Variants in SAMSN1 observed in about 807,000 individuals in gnomAD.
SAMSN1 encodes SAM domain-containing protein SAMSN-1.
Under a neutral mutation model 42.0 loss-of-function variants are expected in SAMSN1, and 31 were observed. The ratio of observed to expected loss-of-function variants is 0.74; its 90% CI spans 0.55 to 1.00. SAMSN1 has a LOEUF of 1.00. Ranked by LOEUF, SAMSN1 falls within the 50% of genes least tolerant of loss-of-function variation. The pLI is 0.00. For synonymous variants in SAMSN1, 178 were observed against 151.9 expected (o/e 1.17, Z -1.26); for missense variants, 464 against 439.4 (o/e 1.06, Z -0.50).
At chr21:14,623,230 G>A (rs1274638535) in intron 2 of SAMSN1, among the ~76,000 whole-genome samples, 1 of 152,152 alleles carries the variant, frequency 6.6e-6, no homozygotes, top group Non-Finnish European at 1.5e-5. Context: ...AAAATAAACA[G>A]CTAACATCAT....
Position 14,485,974 on chromosome 21 carries a change from G to C in SAMSN1, c.1060C>G (p.Leu354Val). The change falls in exon 8 of 8, where the codon CTG becomes GTG. Residue 354 changes from leucine to valine, a missense_variant. Physicochemically the swap from Leu to Val is conservative, Grantham distance 32. Transcript: ENST00000400566. ...SGNSDNGKEDLESENLSDMVH... is the reference protein window; with the variant it reads ...SGNSDNGKEDVESENLSDMVH... ...ATGTCAGACAGATTTTCAGACTCCA[G>C]ATCCTCTTTGCCATTATCTGAATTT... 1 of 1,613,734 alleles carries C rather than the reference G, an allele frequency of 6.2e-7. No homozygotes were observed. Among genetic ancestry groups the C allele is most frequent in the South Asian group, 1.1e-5 (1 of 91,074 alleles).
At chr21:14,616,022 AAATAAAATAAAATG>A (rs1982828005) in intron 2 of SAMSN1, 2 of 588,922 alleles carry the variant, frequency 3.4e-6, no homozygotes, top group Non-Finnish European at 6.2e-6. Flanking sequence ...ACTCCCTGTA[AAATAAAATAAAATG>A]AATAAAATAA....
At chr21:14,518,526 C>T (rs1368003839) in intron 2 of SAMSN1, among the ~76,000 whole-genome samples, 1 of 152,110 alleles carries the variant, frequency 6.6e-6, no homozygotes, top group Non-Finnish European at 1.5e-5. Flanking sequence ...TGAAGGACAT[C>T]TAGTTTAACA....
At chr21:14,630,728 A>G (rs191903844) in intron 2 of SAMSN1, among the ~76,000 whole-genome samples, 1 of 152,342 alleles carries the variant, frequency 6.6e-6, no homozygotes, top group East Asian at 1.9e-4. Context: ...CTCAAAGTCA[A>G]GGAAAAGATT....
upstream of SAMSN1, among the ~76,000 whole-genome samples, chr21:14,584,989 A>G (rs868734885): frequency 4.5e-4 from 69 of 152,000 alleles, no homozygotes; most frequent in Middle Eastern, 0.01. Flanking sequence ...TCTGCAAAAT[A>G]GCACTTACGT....
In SAMSN1 at chr21:14,485,750, G is replaced by A. The variant is rs963339216; in HGVS notation, c.*162C>T. 3 of 556,466 alleles carry A rather than the reference G, an allele frequency of 5.4e-6. No individual in the cohort carries two copies. The African/African-American group carries it at 5.6e-5, about 10-fold the overall frequency. The allele number at this position is 556,466 out of a possible 1,614,324, so 34.5% of individuals were successfully genotyped here. On this transcript the variant is annotated 3_prime_UTR_variant, in exon 8 of 8. Coordinates refer to ENST00000400566, the MANE Select transcript of SAMSN1 (RefSeq NM_022136.5). ...TATTTTATTGACAGTAATTTGGAAT[G>A]TTAGAGATACAAAATTTTATGTACA...
chr21:14,560,495 GT>G (rs1292271774), intron 2 of SAMSN1, among the ~76,000 whole-genome samples: 1 of 152,082 alleles, frequency 6.6e-6, no homozygotes, highest in Non-Finnish European at 1.5e-5. Context: ...CTTTGTTCAG[GT>G]AACATTATGC....
At chr21:14,589,734 A>G (rs1346986569) in intron 7 of SAMSN1, among the ~76,000 whole-genome samples, 1 of 152,132 alleles carries the variant, frequency 6.6e-6, no homozygotes, top group Non-Finnish European at 1.5e-5. Flanking sequence ...TAATGAAAAG[A>G]TAGCTGAATA....
intron 1 of SAMSN1, among the ~76,000 whole-genome samples, chr21:14,654,061 G>A (rs1983876797): frequency 6.6e-6 from 1 of 151,848 alleles, no homozygotes; most frequent in Non-Finnish European, 1.5e-5. Context: ...ATTGTGTAAT[G>A]TATTATAACT....
At chr21:14,616,582 ATTTGTCACAT>A (rs759143835) in intron 2 of SAMSN1, among the ~76,000 whole-genome samples, 20 of 152,170 alleles carry the variant, frequency 1.3e-4, no homozygotes, top group Non-Finnish European at 5.9e-5. Context: ...TGGGGAAAGA[ATTTGTCACAT>A]TTTTCACCAT....
intron 1 of SAMSN1, among the ~76,000 whole-genome samples, chr21:14,542,059 G>A (rs1413225340): frequency 6.6e-6 from 1 of 151,860 alleles, no homozygotes; most frequent in Non-Finnish European, 1.5e-5. Flanking sequence ...TTTTACAATT[G>A]TAGGTGTTGA....
intron 5 of SAMSN1, chr21:14,609,385 T>G (rs1203962537): frequency 1.4e-6 from 1 of 693,888 alleles, no homozygotes; most frequent in Non-Finnish European, 2.7e-6. Context: ...CATAATGGTC[T>G]GCTTATTTTC....
chr21:14,629,090 G>A (rs1983256450), intron 2 of SAMSN1, among the ~76,000 whole-genome samples: 1 of 151,976 alleles, frequency 6.6e-6, no homozygotes, highest in African/African-American at 2.4e-5. Flanking sequence ...TGATCATCTA[G>A]GTCAGAAATT....
At chr21:14,499,801 G>A (rs1987068396) in intron 6 of SAMSN1, among the ~76,000 whole-genome samples, 2 of 152,036 alleles carry the variant, frequency 1.3e-5, no homozygotes, top group African/African-American at 2.4e-5. Context: ...AACATAACTA[G>A]ATAATTCAGA....
chr21:14,570,108 C>T lies in SAMSN1; in HGVS notation c.261+12028G>A, dbSNP rs556768087. On this transcript the variant is annotated intron_variant, in intron 2 of 8. Coordinates refer to the SAMSN1 transcript ENST00000285670. ...TATCACATGCGAGAAACTAAGTGCC[C>T]TTTGCGGGTGACTGCGCAGGTACCT... 2.0e-5 allele frequency among the ~76,000 whole-genome samples: 3 copies of T among 152,156 alleles called. No homozygotes were observed. The East Asian group carries it at 5.8e-4, about 29-fold the overall frequency.
chr21:14,539,224 A>G (rs940614317), intron 1 of SAMSN1, among the ~76,000 whole-genome samples: 2 of 152,232 alleles, frequency 1.3e-5, no homozygotes, highest in Non-Finnish European at 2.9e-5. Flanking sequence ...CTTGCTACAA[A>G]GAAACAATAA....
chr21:14,650,147 C>T (rs566384027), intron 1 of SAMSN1, among the ~76,000 whole-genome samples: 6 of 152,122 alleles, frequency 3.9e-5, no homozygotes, highest in African/African-American at 1.4e-4. Flanking sequence ...GACAGAAAAT[C>T]AACAAAGAAA....
intron 2 of SAMSN1, among the ~76,000 whole-genome samples, chr21:14,620,461 G>A (rs950825828): frequency 5.3e-5 from 8 of 152,128 alleles, no homozygotes; most frequent in Admixed American, 1.3e-4. Context: ...CCCTCACAGT[G>A]GTTTGACTAT....
chr21:14,609,456 T>C (rs545851419), intron 5 of SAMSN1: 51 of 717,332 alleles, frequency 7.1e-5, no homozygotes, highest in Non-Finnish European at 1.3e-4. Flanking sequence ...AAATGCAAAG[T>C]CAGCTGAACT....
Sources: allele counts gnomAD v4.1 joint callset (sites outside exome capture counted in the v4.1 genomes callset), GRCh38; gene constraint gnomAD v4.1.1; transcripts MANE v1.5; gene names NCBI Gene and HGNC (gene_info 2026-07-23, HGNC 2026-07-21).